SCAPER: variants seen among roughly 807,000 people sequenced by gnomAD.
SCAPER encodes S phase cyclin A-associated protein in the endoplasmic reticulum.
A neutral mutation model predicts 182.2 loss-of-function variants in SCAPER; 98 were observed. That is an observed-to-expected ratio of 0.54 (90% CI 0.46 to 0.64). SCAPER has a LOEUF of 0.64. SCAPER is among the 30% of genes least tolerant of loss of function. The pLI is 0.00. For missense variants in SCAPER, 1,432 were observed against 1,690.0 expected (o/e 0.85, Z 2.68); for synonymous variants, 605 against 564.6 (o/e 1.07, Z -1.01).
chr15:76,883,522 C>A (rs2073687244), intron 2 of SCAPER, among the ~76,000 whole-genome samples: 1 of 152,182 alleles, frequency 6.6e-6, no homozygotes, highest in African/African-American at 2.4e-5. Context: ...AGGCTGTTAG[C>A]ATCCATTGAT....
In SCAPER at chr15:76,413,102, A is replaced by G. The variant is rs905920581; in HGVS notation, c.3312-8423T>C. Among the ~76,000 whole-genome samples the G allele has an allele frequency of 2.0e-5, 3 of 152,176 alleles. No individual in the cohort carries two copies. The East Asian group carries it at 5.8e-4, about 29-fold the overall frequency. On this transcript the variant is annotated intron_variant, in intron 26 of 31. Transcript: ENST00000563290. ...TTCAAACCTTGCTTAAATCTTACTT[A>G]ACAGTTCTATTAAATAATCATTTTT...
intron 25 of SCAPER, among the ~76,000 whole-genome samples, chr15:76,443,165 G>C (rs2047737021): frequency 1.3e-5 from 2 of 152,172 alleles, no homozygotes; most frequent in Non-Finnish European, 2.9e-5. Context: ...CTCCCAAACA[G>C]TGCAGGGGCT....
chr15:76,370,508 T>C (rs1281639908), intron 29 of SCAPER, among the ~76,000 whole-genome samples: 1 of 152,112 alleles, frequency 6.6e-6, no homozygotes, highest in African/African-American at 2.4e-5. Context: ...TTTTGCCATG[T>C]TGGTCAGGCT....
chr15:76,766,397 CT>C (rs2063119074), intron 11 of SCAPER, among the ~76,000 whole-genome samples: 1 of 152,060 alleles, frequency 6.6e-6, no homozygotes. Flanking sequence ...ACCCAGCCTA[CT>C]TTTTGTTAAT....
At chr15:76,425,227 A>AAC (rs1196636900) in intron 26 of SCAPER, among the ~76,000 whole-genome samples, 3 of 152,096 alleles carry the variant, frequency 2.0e-5, no homozygotes, top group Non-Finnish European at 4.4e-5. Context: ...ACTTGGTTCC[A>AAC]TTCTCCCTGT....
intron 13 of SCAPER, 61 bp from the exon 14 acceptor site, chr15:76,765,133 G>T: frequency 7.9e-7 from 1 of 1,264,680 alleles, no homozygotes; most frequent in Non-Finnish European, 1.1e-6. Context: ...GCCAGAAAAA[G>T]TGTTCTTTAG....
At chr15:76,541,615 C>T (rs1485935446) in intron 23 of SCAPER, among the ~76,000 whole-genome samples, 1 of 152,144 alleles carries the variant, frequency 6.6e-6, no homozygotes. Context: ...ATAAATGACT[C>T]TATATGCTTC....
At chr15:76,840,808 G>A (rs1014649354) in intron 5 of SCAPER, among the ~76,000 whole-genome samples, 6 of 152,088 alleles carry the variant, frequency 3.9e-5, no homozygotes, top group African/African-American at 1.4e-4. Flanking sequence ...AAAAGGCCAG[G>A]CTTTTTAGAT....
intron 1 of SCAPER, 50 bp from the exon 2 acceptor site, chr15:76,883,926 A>G (rs775965231): frequency 1.1e-5 from 9 of 838,156 alleles, no homozygotes; most frequent in East Asian, 6.1e-5. Context: ...CCAGAAAACC[A>G]TAATTATTCA....
rs144580802 is a variant in SCAPER at position 76,729,553 on chromosome 15, A to G, written c.2023-816T>C. ...TGTGAGAAGGAGAAAGAGGTAATAC[A>G]ATAGAGCACAGTGGGTGTAAGAGTG... On this transcript the variant is annotated intron_variant, in intron 16 of 31. Coordinates refer to ENST00000563290, the MANE Select transcript of SCAPER (RefSeq NM_020843.4). Among the ~76,000 whole-genome samples the G allele has an allele frequency of 4.0e-3, 608 of 152,240 alleles. 5 individuals carry two copies. The highest frequency in any genetic ancestry group is 0.012 in the African/African-American group (519 of 41,544).
chr15:76,559,934 A>ATG (rs1462897019), intron 23 of SCAPER, among the ~76,000 whole-genome samples: 1 of 151,930 alleles, frequency 6.6e-6, no homozygotes, highest in South Asian at 2.1e-4. Context: ...GTGTGTGTGT[A>ATG]TGTGTGTGTG....
chr15:76,871,242 TA>T (rs1018692143), intron 2 of SCAPER, among the ~76,000 whole-genome samples: 1 of 151,754 alleles, frequency 6.6e-6, no homozygotes, highest in Non-Finnish European at 1.5e-5. Flanking sequence ...ACCCTGCCTC[TA>T]CTGAAAATAC....
At chr15:76,516,221 T>A (rs920003994) in intron 23 of SCAPER, among the ~76,000 whole-genome samples, 1 of 152,064 alleles carries the variant, frequency 6.6e-6, no homozygotes, top group African/African-American at 2.4e-5. Flanking sequence ...AAAAATTTTT[T>A]AAATTATACT....
chr15:76,838,492 C>T (rs896435779), intron 5 of SCAPER, among the ~76,000 whole-genome samples: 2 of 152,144 alleles, frequency 1.3e-5, no homozygotes, highest in Non-Finnish European at 2.9e-5. Flanking sequence ...CTCCTTCCCT[C>T]ACATAGATCA....
intron 22 of SCAPER, among the ~76,000 whole-genome samples, chr15:76,578,406 AG>A (rs766417215): frequency 1.4e-4 from 22 of 152,222 alleles, no homozygotes; most frequent in Non-Finnish European, 2.6e-4. Context: ...GGCGAGACAC[AG>A]TAATCTGTGC....
Position 76,626,487 on chromosome 15 carries a change from C to T in SCAPER, c.2646-4658G>A, listed in dbSNP as rs893596576. Reference sequence around the variant, plus strand: ...ATCCTAGCACTTTGAGAGGCTGAGGCGGGTGGATCACTTGAGGTCAGGAGT... The same window carrying T: ...ATCCTAGCACTTTGAGAGGCTGAGGTGGGTGGATCACTTGAGGTCAGGAGT... On this transcript the variant is annotated intron_variant, in intron 21 of 31. Transcript: ENST00000563290. Among the ~76,000 whole-genome samples, 10 of 152,232 alleles carry T rather than the reference C, an allele frequency of 6.6e-5. No individual in the cohort carries two copies. The East Asian group carries it at 1.5e-3, about 24-fold the overall frequency.
At chr15:76,496,989 A>G (rs990702831) in intron 24 of SCAPER, among the ~76,000 whole-genome samples, 3 of 152,146 alleles carry the variant, frequency 2.0e-5, no homozygotes, top group Non-Finnish European at 4.4e-5. Flanking sequence ...GAACTTTCAC[A>G]TAAGTCCAGG....
intron 21 of SCAPER, among the ~76,000 whole-genome samples, chr15:76,639,105 T>C (rs532591645): frequency 1.3e-5 from 2 of 152,242 alleles, no homozygotes; most frequent in Non-Finnish European, 2.9e-5. Flanking sequence ...AAGAGACACT[T>C]TATATGCTGG....
At chr15:76,510,888 T>TGTGTGTGTGTGTGCGC (rs1491205462) in intron 23 of SCAPER, among the ~76,000 whole-genome samples, 63 of 141,202 alleles carry the variant, frequency 4.5e-4, no homozygotes, top group African/African-American at 1.5e-3. Flanking sequence ...TGTGTGTGTG[T>TGTGTGTGTGTGTGCGC]GCGCGCGCGC....
Sources: allele counts gnomAD v4.1 joint callset (sites outside exome capture counted in the v4.1 genomes callset), GRCh38; gene constraint gnomAD v4.1.1; transcripts MANE v1.5; gene names NCBI Gene and HGNC (gene_info 2026-07-23, HGNC 2026-07-21).